YTHDF3: variants seen among roughly 807,000 people sequenced by gnomAD.
The protein encoded by YTHDF3 is YTH N6-methyladenosine RNA binding protein F3, also known as YTH domain-containing family protein 3.
Under a neutral mutation model 52.5 loss-of-function variants are expected in YTHDF3, and 9 were observed. The ratio of observed to expected loss-of-function variants is 0.17; its 90% CI spans 0.10 to 0.30. The LOEUF is 0.30. Among genes scored for constraint, YTHDF3 ranks in the 10% least tolerant of loss-of-function variants. The pLI, the probability that YTHDF3 is intolerant of heterozygous loss-of-function variation, is 1.00. For missense variants in YTHDF3, 534 were observed against 715.0 expected, an observed-to-expected ratio of 0.75 and a Z score of 2.89; for synonymous variants, 274 against 243.3, an observed-to-expected ratio of 1.13 and a Z score of -1.18.
intron 2 of YTHDF3, among the ~76,000 whole-genome samples, chr8:63,174,407 T>C (rs930158405): frequency 1.3e-5 from 2 of 152,224 alleles, no homozygotes; most frequent in African/African-American, 4.8e-5. Context: ...TTGAACACTG[T>C]CATTTAATAA....
At chr8:63,202,485 G>A (rs989793894) in intron 4 of YTHDF3, among the ~76,000 whole-genome samples, 1 of 146,172 alleles carries the variant, frequency 6.8e-6, no homozygotes, top group Non-Finnish European at 1.5e-5. Flanking sequence ...TTTTGAGATG[G>A]AGTCTTGCTC....
chr8:63,208,785 A>G (rs1041738852), intron 4 of YTHDF3, among the ~76,000 whole-genome samples: 1 of 152,170 alleles, frequency 6.6e-6, no homozygotes, highest in African/African-American at 2.4e-5. Flanking sequence ...GCTTTTTAAG[A>G]TAGGAATTAT....
At chr8:63,178,100 C>G (rs1807825179) in intron 3 of YTHDF3, among the ~76,000 whole-genome samples, 1 of 152,160 alleles carries the variant, frequency 6.6e-6, no homozygotes, top group Admixed American at 6.5e-5. Context: ...CTGTAAAAGA[C>G]AGTTTTGGAA....
chr8:63,208,108 T>G (rs1338304049), intron 4 of YTHDF3, among the ~76,000 whole-genome samples: 3 of 152,218 alleles, frequency 2.0e-5, no homozygotes, highest in African/African-American at 7.2e-5. Flanking sequence ...TAGCTCTGTT[T>G]TTGTTATTTT....
intron 4 of YTHDF3, among the ~76,000 whole-genome samples, chr8:63,190,989 A>G (rs1808875691): frequency 1.3e-5 from 2 of 152,224 alleles, no homozygotes; most frequent in South Asian, 4.1e-4. Context: ...GTCTTTGGTC[A>G]GAATATGTAA....
intron 4 of YTHDF3, 31 bp downstream of exon 4, chr8:63,187,776 C>T: frequency 6.5e-7 from 1 of 1,541,384 alleles, no homozygotes; most frequent in Non-Finnish European, 8.7e-7. Flanking sequence ...TGTTTGGGGT[C>T]TTTGTATTGC....
At chr8:63,170,056 TG>T (rs1236658823) in intron 2 of YTHDF3, among the ~76,000 whole-genome samples, 6 of 152,314 alleles carry the variant, frequency 3.9e-5, no homozygotes, top group Non-Finnish European at 7.4e-5. Context: ...GAAAGTAAAG[TG>T]TTTTTTTAAA....
At chr8:63,190,984 T>C (rs1208804171) in intron 4 of YTHDF3, among the ~76,000 whole-genome samples, 1 of 152,228 alleles carries the variant, frequency 6.6e-6, no homozygotes, top group Non-Finnish European at 1.5e-5. Flanking sequence ...AAAATGTCTT[T>C]GGTCAGAATA....
At chr8:63,207,787 C>T (rs747192715) in intron 4 of YTHDF3, among the ~76,000 whole-genome samples, 1 of 152,084 alleles carries the variant, frequency 6.6e-6, no homozygotes, top group Non-Finnish European at 1.5e-5. Flanking sequence ...AGAAATTTCT[C>T]TAAGTTTTGA....
chr8:63,173,272 C>T (rs1209474497), intron 2 of YTHDF3, among the ~76,000 whole-genome samples: 3 of 140,176 alleles, frequency 2.1e-5, no homozygotes, highest in African/African-American at 8.7e-5. Context: ...GAGGCAGAGT[C>T]TCACTCTGTA....
At chr8:63,193,966 T>G (rs1347080738) in intron 4 of YTHDF3, among the ~76,000 whole-genome samples, 3 of 152,204 alleles carry the variant, frequency 2.0e-5, no homozygotes, top group Non-Finnish European at 4.4e-5. Flanking sequence ...AGCAGTTGTT[T>G]TCTGGGATAC....
At chr8:63,175,455 C>A (rs769608334) in intron 3 of YTHDF3, 39 bp downstream of exon 3, 3 of 1,464,176 alleles carry the variant, frequency 2.0e-6, no homozygotes, top group South Asian at 1.2e-5. Context: ...GGAAATTAAC[C>A]TTTTATTAGT....
At chr8:63,182,955 C>CTTTTTTTTTTTTTTT (rs11381385) in intron 3 of YTHDF3, among the ~76,000 whole-genome samples, 1 of 143,622 alleles carries the variant, frequency 7.0e-6, no homozygotes, top group Non-Finnish European at 1.5e-5. Context: ...ACAGTTTTAT[C>CTTTTTTTTTTTTTTT]TTTTTTTTTT....
intron 3 of YTHDF3, among the ~76,000 whole-genome samples, chr8:63,176,778 A>G (rs935385331): frequency 6.6e-6 from 1 of 152,012 alleles, no homozygotes; most frequent in African/African-American, 2.4e-5. Flanking sequence ...CCCAGGCTCA[A>G]GTGATTCTTC....
chr8:63,180,318 C>T (rs1346667627), intron 3 of YTHDF3, among the ~76,000 whole-genome samples: 2 of 150,672 alleles, frequency 1.3e-5, no homozygotes, highest in African/African-American at 2.4e-5. Flanking sequence ...CAGAGGTGCT[C>T]CCCACATCTC....
intron 4 of YTHDF3, among the ~76,000 whole-genome samples, chr8:63,204,152 A>G (rs1490247042): frequency 1.3e-5 from 2 of 151,800 alleles, no homozygotes; most frequent in Admixed American, 1.3e-4. Flanking sequence ...TTCTACTGGA[A>G]TATTCATTTT....
At position 63,168,855 on chromosome 8, in the gene YTHDF3, C is replaced by T; in HGVS notation, c.-23C>T. On this transcript the variant is annotated 5_prime_UTR_variant, in exon 1 of 5. Transcript: ENST00000539294. ...GAGGCCCAGGCAGCGGCGGCGGCGG[C>T]GGCTCTCGGGTTGCGGTGAAGAATG... is the stretch of plus-strand genomic sequence containing the variant. The T allele has an allele frequency of 6.4e-7, 1 of 1,554,120 alleles. No individual in the cohort carries two copies. The highest frequency in any genetic ancestry group is 8.7e-7 in the Non-Finnish European group (1 of 1,149,108).
intron 4 of YTHDF3, among the ~76,000 whole-genome samples, chr8:63,207,645 G>A (rs1236799823): frequency 6.6e-6 from 1 of 152,058 alleles, no homozygotes; most frequent in Non-Finnish European, 1.5e-5. Context: ...AATTCAAACT[G>A]AAACAGCATA....
At chr8:63,207,196 T>G (rs1441029623) in intron 4 of YTHDF3, among the ~76,000 whole-genome samples, 1 of 152,192 alleles carries the variant, frequency 6.6e-6, no homozygotes, top group African/African-American at 2.4e-5. Context: ...GACCATTGTG[T>G]CTCCAACAGT....
Sources: allele counts gnomAD v4.1 joint callset (sites outside exome capture counted in the v4.1 genomes callset), GRCh38; gene constraint gnomAD v4.1.1; transcripts MANE v1.5; gene names NCBI Gene and HGNC (gene_info 2026-07-23, HGNC 2026-07-21).